MSRA: variants seen among roughly 807,000 people sequenced by gnomAD.
The protein encoded by MSRA is methionine sulfoxide reductase A.
In MSRA, 54 loss-of-function variants were observed where a neutral mutation model predicts 31.3. That is an observed-to-expected ratio of 1.73 (90% CI 1.39 to 2.17). MSRA has a LOEUF of 2.17. Ranked by LOEUF, MSRA falls within the 30% of genes most tolerant of loss-of-function variation. The pLI, the probability that MSRA is intolerant of heterozygous loss-of-function variation, is 0.00. For missense variants in MSRA, 507 were observed against 300.9 expected, an observed-to-expected ratio of 1.69 and a Z score of -5.07; for synonymous variants, 169 against 116.5, an observed-to-expected ratio of 1.45 and a Z score of -2.90.
chr8:10,166,757 G>A (rs1249999648), intron 1 of MSRA, among the ~76,000 whole-genome samples: 1 of 152,094 alleles, frequency 6.6e-6, no homozygotes, highest in Non-Finnish European at 1.5e-5. Context: ...GCCCTTGCTT[G>A]TTGGTGGTTT....
intron 2 of MSRA, among the ~76,000 whole-genome samples, chr8:10,219,375 C>T (rs758957313): frequency 6.6e-6 from 1 of 152,124 alleles, no homozygotes; most frequent in African/African-American, 2.4e-5. Context: ...TTTGGGGATT[C>T]AAGAAGGGGA....
At chr8:10,312,302 T>C (rs1019153207) in intron 4 of MSRA, among the ~76,000 whole-genome samples, 1 of 152,092 alleles carries the variant, frequency 6.6e-6, no homozygotes, top group Non-Finnish European at 1.5e-5. Flanking sequence ...GACACAAATA[T>C]ACAACATTAG....
intron 1 of MSRA, among the ~76,000 whole-genome samples, chr8:10,086,406 G>A (rs1450166434): frequency 1.3e-5 from 2 of 152,180 alleles, no homozygotes; most frequent in African/African-American, 2.4e-5. Context: ...AAGAAGCACC[G>A]TTAAGTAGGA....
At chr8:10,346,566 C>T (rs149122977) in intron 5 of MSRA, among the ~76,000 whole-genome samples, 72 of 152,238 alleles carry the variant, frequency 4.7e-4, no homozygotes, top group Admixed American at 1.4e-3. Flanking sequence ...CCCTTGCGTT[C>T]GGCAGAGACT....
intron 1 of MSRA, among the ~76,000 whole-genome samples, chr8:10,061,612 C>A (rs975659923): frequency 2.0e-5 from 3 of 152,124 alleles, no homozygotes; most frequent in African/African-American, 7.2e-5. Flanking sequence ...CAGCACTTCA[C>A]CAAGAGTGCA....
At chr8:10,307,320 C>T (rs969922026) in intron 4 of MSRA, among the ~76,000 whole-genome samples, 1 of 152,200 alleles carries the variant, frequency 6.6e-6, no homozygotes, top group South Asian at 2.1e-4. Flanking sequence ...GTGCACGCCA[C>T]CATGCCCAAC....
intron 3 of MSRA, among the ~76,000 whole-genome samples, chr8:10,272,549 T>C (rs1349141446): frequency 6.6e-6 from 1 of 152,186 alleles, no homozygotes; most frequent in East Asian, 1.9e-4. Flanking sequence ...CTTTACCGGG[T>C]CTACGGATTC....
intron 1 of MSRA, among the ~76,000 whole-genome samples, chr8:10,174,076 G>A (rs76843114): frequency 0.037 from 5,647 of 152,266 alleles, 144 homozygotes; most frequent in African/African-American, 0.075. Flanking sequence ...TAGTGGAGGG[G>A]CAGAGGTTAG....
At chr8:10,136,621 T>A (rs980651235) in intron 1 of MSRA, among the ~76,000 whole-genome samples, 10 of 152,326 alleles carry the variant, frequency 6.6e-5, no homozygotes, top group African/African-American at 2.4e-4. Context: ...TTTGACACAG[T>A]GGGAACGAGA....
intron 5 of MSRA, among the ~76,000 whole-genome samples, chr8:10,420,191 C>T (rs1275682679): frequency 2.8e-5 from 4 of 144,726 alleles, no homozygotes; most frequent in African/African-American, 5.0e-5. Context: ...AAAAGACATA[C>T]TGTGGAATTC....
At chr8:10,371,290 C>T (rs1167611235) in intron 5 of MSRA, among the ~76,000 whole-genome samples, 1 of 152,070 alleles carries the variant, frequency 6.6e-6, no homozygotes. Flanking sequence ...ACTAGGAACA[C>T]CCCTATATTA....
At chr8:10,169,095 C>G (rs1222010912) in intron 1 of MSRA, among the ~76,000 whole-genome samples, 1 of 152,188 alleles carries the variant, frequency 6.6e-6, no homozygotes, top group African/African-American at 2.4e-5. Flanking sequence ...TTTCCAAATT[C>G]TCAAGTTGGC....
chr8:10,155,002 T>TTATATATA (rs528753270), intron 1 of MSRA, among the ~76,000 whole-genome samples: 8 of 123,900 alleles, frequency 6.5e-5, no homozygotes, highest in African/African-American at 2.6e-4. Context: ...TGTATATATT[T>TTATATATA]TATATATATA....
chr8:10,251,868 G>T (rs905754690), intron 3 of MSRA, among the ~76,000 whole-genome samples: 2 of 151,768 alleles, frequency 1.3e-5, no homozygotes, highest in Admixed American at 6.6e-5. Context: ...TGGTGGGGGG[G>T]GGGGGACATA....
chr8:10,184,399 G>C (rs1189148695), intron 1 of MSRA, among the ~76,000 whole-genome samples: 1 of 151,904 alleles, frequency 6.6e-6, no homozygotes. Flanking sequence ...TCCTGCCTGG[G>C]AACAGTAAAC....
chr8:10,213,083 A>G (rs1809651882), intron 2 of MSRA, among the ~76,000 whole-genome samples: 1 of 152,198 alleles, frequency 6.6e-6, no homozygotes, highest in Non-Finnish European at 1.5e-5. Context: ...CAATTAAATT[A>G]CTACTAACTA....
intron 1 of MSRA, among the ~76,000 whole-genome samples, chr8:10,120,190 G>C (rs1424150019): frequency 2.0e-5 from 3 of 152,170 alleles, no homozygotes; most frequent in Admixed American, 6.5e-5. Context: ...GGTCCCAGCA[G>C]AGCACACAGA....
chr8:10,229,010 C>T (rs749802006), intron 2 of MSRA, among the ~76,000 whole-genome samples: 4 of 152,072 alleles, frequency 2.6e-5, no homozygotes, highest in East Asian at 1.9e-4. Context: ...GAAAAAAAGA[C>T]GAAAAAAGAT....
At chr8:10,205,254 A>G (rs1294371245) in intron 1 of MSRA, among the ~76,000 whole-genome samples, 1 of 152,116 alleles carries the variant, frequency 6.6e-6, no homozygotes, top group Non-Finnish European at 1.5e-5. Context: ...GGAGTCCGGA[A>G]AAAGGGGTCA....
Sources: gnomAD v4.1 joint callset for allele counts (sites outside exome capture counted in the v4.1 genomes callset) on GRCh38, gnomAD v4.1.1 for gene constraint, MANE v1.5 for transcripts, NCBI Gene and HGNC (gene_info 2026-07-23, HGNC 2026-07-21) for gene names.